Variants in NTNG1 observed in about 807,000 individuals in gnomAD.
The protein encoded by NTNG1 is netrin-G1.
In NTNG1, 16 loss-of-function variants were observed where a neutral mutation model predicts 54.0. The observed-to-expected ratio is 0.30, with a 90% CI of 0.20 to 0.45. NTNG1 has a LOEUF of 0.45. NTNG1 is among the 20% of genes least tolerant of loss of function. The probability of loss-of-function intolerance (pLI) is 1.00; values close to 1 mark genes in which losing one functional copy is unlikely to be tolerated. For missense variants in NTNG1, 530 were observed against 678.7 expected, an observed-to-expected ratio of 0.78 and a Z score of 2.43; for synonymous variants, 255 against 263.1, an observed-to-expected ratio of 0.97 and a Z score of 0.30.
chr1:107,248,626 A>G (rs543271676), intron 2 of NTNG1, among the ~76,000 whole-genome samples: 2 of 152,298 alleles, frequency 1.3e-5, no homozygotes, highest in East Asian at 1.9e-4. Flanking sequence ...CGATCACAAT[A>G]TAAGCGATTT....
At chr1:107,405,763 C>T (rs1030648963) in intron 4 of NTNG1, among the ~76,000 whole-genome samples, 4 of 152,028 alleles carry the variant, frequency 2.6e-5, no homozygotes, top group Non-Finnish European at 4.4e-5. Context: ...GCAAGCAGTG[C>T]GTTGCAATGG....
At chr1:107,264,783 C>A (rs1177832101) in intron 2 of NTNG1, among the ~76,000 whole-genome samples, 1 of 152,184 alleles carries the variant, frequency 6.6e-6, no homozygotes, top group Non-Finnish European at 1.5e-5. Flanking sequence ...AGAACTGAGG[C>A]AGAAGCTGAG....
chr1:107,204,992 A>C (rs888256610), intron 2 of NTNG1, among the ~76,000 whole-genome samples: 1 of 152,062 alleles, frequency 6.6e-6, no homozygotes, highest in Non-Finnish European at 1.5e-5. Context: ...CACCTCCACT[A>C]TCATCCCTTC....
intron 5 of NTNG1, 151 bp from the exon 6 acceptor site, chr1:107,430,599 C>T (rs1342356329): frequency 1.2e-6 from 1 of 821,284 alleles, no homozygotes; most frequent in African/African-American, 1.7e-5. Flanking sequence ...CCAGTCACAA[C>T]CACCTGTTGC....
chr1:107,323,256 A>T (rs556413202), intron 2 of NTNG1, among the ~76,000 whole-genome samples: 389 of 152,262 alleles, frequency 2.6e-3, no homozygotes, highest in African/African-American at 9.2e-3. Flanking sequence ...AGTCCTAATG[A>T]TACTACTTGT....
chr1:107,166,744 T>C (rs995776319), intron 2 of NTNG1, among the ~76,000 whole-genome samples: 1 of 152,028 alleles, frequency 6.6e-6, no homozygotes, highest in Non-Finnish European at 1.5e-5. Flanking sequence ...AAACCAAAAG[T>C]ACAAGAAAAA....
chr1:107,451,870 C>T (rs1349341092), intron 7 of NTNG1, among the ~76,000 whole-genome samples: 1 of 152,090 alleles, frequency 6.6e-6, no homozygotes, highest in Non-Finnish European at 1.5e-5. Context: ...AACGTGAAAT[C>T]GTAGAGTGAA....
Position 107,301,581 on chromosome 1 carries a change from A to G in NTNG1, c.247-22701A>G, listed in dbSNP as rs778878791. ...ACTGCAGTAATGTATGTCATACATT[A>G]TAAAGCATATCCTAATAAGAAATTT... On this transcript the variant is annotated intron_variant, in intron 2 of 7. Coordinates refer to ENST00000370068, the MANE Select transcript of NTNG1 (RefSeq NM_001113226.3). 2.5e-4 allele frequency among the ~76,000 whole-genome samples: 38 copies of G among 152,326 alleles called. 2 individuals are homozygous for G. Among genetic ancestry groups the G allele is most frequent in the Admixed American group, 6.5e-4 (10 of 15,292 alleles).
chr1:107,282,703 A>G (rs554346190), intron 2 of NTNG1, among the ~76,000 whole-genome samples: 14 of 152,164 alleles, frequency 9.2e-5, no homozygotes, highest in Non-Finnish European at 1.9e-4. Flanking sequence ...CAACGATTAT[A>G]TTATAGCACT....
rs1678753946 is a variant in NTNG1, at chr1:107,482,055, C to CAAAAAAATAAAAAAAAAAAAAAAAAAA, written c.*1222_*1223insTAAAAAAAAAAAAAAAAAAAAAAAAAA. The CAAAAAAATAAAAAAAAAAAAAAAAAAA allele has an allele frequency of 8.7e-6, 1 of 114,468 alleles. No homozygotes were observed. Among genetic ancestry groups the CAAAAAAATAAAAAAAAAAAAAAAAAAA allele is most frequent in the Admixed American group, 8.3e-5 (1 of 12,116 alleles). The allele number at this position is 114,468 out of a possible 1,614,324, so 7.1% of individuals were successfully genotyped here. On this transcript the variant is annotated 3_prime_UTR_variant, in exon 8 of 8. Transcript: ENST00000370068. ...TTCCACTTGGGAAAAATTACAACAGCAAAAAAAAAAAAAAAAAAAAAAAAA... is the reference window on the plus strand; with the variant it reads ...TTCCACTTGGGAAAAATTACAACAGCAAAAAAATAAAAAAAAAAAAAAAAAAAAAAAAAAAAAAAAAAAAAAAAAAAA...
chr1:107,322,424 T>C (rs987597082), intron 2 of NTNG1, among the ~76,000 whole-genome samples: 1 of 152,104 alleles, frequency 6.6e-6, no homozygotes. Context: ...CCATATTTTT[T>C]CAGTAAATTT....
At chr1:107,331,084 C>G (rs867075731) in intron 3 of NTNG1, among the ~76,000 whole-genome samples, 1 of 152,024 alleles carries the variant, frequency 6.6e-6, no homozygotes, top group Non-Finnish European at 1.5e-5. Context: ...CCCCATTTTA[C>G]AGAGGAGAAA....
chr1:107,403,767 C>T (rs976419011), intron 4 of NTNG1: 24 of 153,876 alleles, frequency 1.6e-4, no homozygotes, highest in African/African-American at 5.6e-4. Flanking sequence ...TTAACAATGC[C>T]TCACACAGGG....
At chr1:107,330,402 G>T (rs905152129) in intron 3 of NTNG1, among the ~76,000 whole-genome samples, 1 of 152,076 alleles carries the variant, frequency 6.6e-6, no homozygotes, top group Non-Finnish European at 1.5e-5. Context: ...CTTAATTGTG[G>T]AGCAACTATA....
chr1:107,468,203 G>A (rs1388654115), intron 7 of NTNG1, among the ~76,000 whole-genome samples: 1 of 152,154 alleles, frequency 6.6e-6, no homozygotes, highest in African/African-American at 2.4e-5. Flanking sequence ...AAAATCCTAA[G>A]AGGGCTTAGA....
At chr1:107,415,769 C>A (rs997991444) in intron 5 of NTNG1, among the ~76,000 whole-genome samples, 12 of 152,054 alleles carry the variant, frequency 7.9e-5, no homozygotes, top group Non-Finnish European at 1.3e-4. Flanking sequence ...ATTTTTCTCA[C>A]TAAGAATTCT....
At chr1:107,419,670 T>A (rs1317150972) in intron 5 of NTNG1, among the ~76,000 whole-genome samples, 21 of 148,294 alleles carry the variant, frequency 1.4e-4, no homozygotes, top group African/African-American at 4.7e-4. Flanking sequence ...TCCTTAGCTA[T>A]ATACAGGATG....
chr1:107,382,743 T>C (rs1671723058), intron 3 of NTNG1, among the ~76,000 whole-genome samples: 1 of 152,096 alleles, frequency 6.6e-6, no homozygotes, highest in Non-Finnish European at 1.5e-5. Flanking sequence ...GGCTTGGGTT[T>C]TTGGTTTTGT....
At chr1:107,174,767 T>G (rs566532387) in intron 2 of NTNG1, among the ~76,000 whole-genome samples, 42 of 152,188 alleles carry the variant, frequency 2.8e-4, no homozygotes, top group African/African-American at 9.1e-4. Context: ...GTTGTCTACC[T>G]AATTTTAGTG....
Sources: gnomAD v4.1 joint callset for allele counts (sites outside exome capture counted in the v4.1 genomes callset) on GRCh38, gnomAD v4.1.1 for gene constraint, MANE v1.5 for transcripts, NCBI Gene and HGNC (gene_info 2026-07-23, HGNC 2026-07-21) for gene names.